Variants in GPC6 observed in about 807,000 individuals in gnomAD.
GPC6 encodes glypican-6.
Under a neutral mutation model 55.2 loss-of-function variants are expected in GPC6, and 14 were observed. The ratio of observed to expected loss-of-function variants is 0.25; its 90% CI spans 0.17 to 0.40. The LOEUF is 0.40. Among genes scored for constraint, GPC6 ranks in the 10% least tolerant of loss-of-function variants. GPC6 has a pLI of 1.00. For missense variants in GPC6, 641 were observed against 708.5 expected (o/e 0.90, Z 1.08); for synonymous variants, 278 against 259.6 (o/e 1.07, Z -0.68).
intron 6 of GPC6, among the ~76,000 whole-genome samples, chr13:94,371,094 C>A (rs1427154651): frequency 6.6e-6 from 1 of 152,136 alleles, no homozygotes; most frequent in East Asian, 1.9e-4. Flanking sequence ...TATGCTGGAT[C>A]AATACACCAG....
At chr13:94,276,903 T>C (rs1892230547) in intron 4 of GPC6, among the ~76,000 whole-genome samples, 2 of 152,350 alleles carry the variant, frequency 1.3e-5, no homozygotes, top group South Asian at 2.1e-4. Flanking sequence ...TAAATGTACA[T>C]TTGCATGTGT....
At chr13:94,138,839 A>G (rs1228117909) in intron 4 of GPC6, among the ~76,000 whole-genome samples, 4 of 152,162 alleles carry the variant, frequency 2.6e-5, no homozygotes, top group Non-Finnish European at 5.9e-5. Context: ...CAGGTACCCA[A>G]TAATGTCTGT....
At chr13:93,563,333 A>C (rs979601320) in intron 2 of GPC6, among the ~76,000 whole-genome samples, 1 of 152,164 alleles carries the variant, frequency 6.6e-6, no homozygotes, top group Non-Finnish European at 1.5e-5. Flanking sequence ...TATAGCCACC[A>C]ACAGCGATCC....
chr13:93,985,715 T>TAAAAAAAAAAAAAAAAAAAAAAAA (rs1157375754), intron 3 of GPC6, among the ~76,000 whole-genome samples: 2 of 126,232 alleles, frequency 1.6e-5, no homozygotes, highest in Admixed American at 8.0e-5. Flanking sequence ...AAAAAAAAAT[T>TAAAAAAAAAAAAAAAAAAAAAAAA]AAAAAACGGA....
In GPC6 at chr13:93,725,446, C is replaced by T. The variant is rs1161120259; in HGVS notation, c.320-104708C>T. On this transcript the variant is annotated intron_variant, in intron 2 of 8. Coordinates refer to ENST00000377047, the MANE Select transcript of GPC6 (RefSeq NM_005708.5). ...ATTAGAGGGAGAAATATCAAATAAA[C>T]AAAAGAATGCTTCTCAGACCCTTTC... 2.6e-5 allele frequency among the ~76,000 whole-genome samples: 4 copies of T among 151,950 alleles called. No individual in the cohort carries two copies. The East Asian group carries it at 7.7e-4, about 29-fold the overall frequency.
chr13:93,517,068 T>G (rs905976119), intron 1 of GPC6, among the ~76,000 whole-genome samples: 11 of 84,026 alleles, frequency 1.3e-4, no homozygotes, highest in Admixed American at 4.7e-4. Context: ...CTTGTTATTT[T>G]TAGATGCATT....
At chr13:94,209,883 T>C (rs946027879) in intron 4 of GPC6, among the ~76,000 whole-genome samples, 15 of 152,128 alleles carry the variant, frequency 9.9e-5, no homozygotes, top group Non-Finnish European at 2.2e-4. Context: ...TCCTGCTCTG[T>C]CAACCAGGCT....
intron 1 of GPC6, among the ~76,000 whole-genome samples, chr13:93,231,643 A>C (rs970792644): frequency 1.3e-5 from 2 of 151,788 alleles, no homozygotes; most frequent in African/African-American, 4.8e-5. Context: ...GGCAAGATAT[A>C]GTTACATAAA....
chr13:93,966,728 G>A (rs1280250603), intron 3 of GPC6, among the ~76,000 whole-genome samples: 1 of 129,892 alleles, frequency 7.7e-6, no homozygotes, highest in Admixed American at 9.1e-5. Flanking sequence ...ATGGCTCATT[G>A]CAGCCTCAAC....
chr13:94,083,407 T>C (rs6492686), intron 4 of GPC6, among the ~76,000 whole-genome samples: 148,833 of 152,316 alleles, frequency 0.98, 72,826 homozygotes, highest in East Asian at 1. Context: ...CATGAGCCAC[T>C]GCACCCGGCC....
chr13:93,854,711 A>G (rs1293086093), intron 3 of GPC6, among the ~76,000 whole-genome samples: 2 of 151,918 alleles, frequency 1.3e-5, no homozygotes, highest in South Asian at 2.1e-4. Context: ...ATCCATTAAT[A>G]TAGTCTGCTT....
At chr13:93,600,706 C>G (rs1019975401) in intron 2 of GPC6, among the ~76,000 whole-genome samples, 6 of 151,944 alleles carry the variant, frequency 3.9e-5, no homozygotes, top group African/African-American at 1.4e-4. Flanking sequence ...AATCCCAGCA[C>G]TTTGGGAGGC....
At chr13:93,309,280 T>C (rs1316267300) in intron 1 of GPC6, among the ~76,000 whole-genome samples, 1 of 148,998 alleles carries the variant, frequency 6.7e-6, no homozygotes, top group Non-Finnish European at 1.5e-5. Context: ...TAAGTCTTTA[T>C]TTTTGTGATA....
Position 94,407,590 on chromosome 13 carries a change from ACATTTAGAGCTTCC to A in GPC6, c.*4376_*4389del, listed in dbSNP as rs1266453706. On this transcript the variant is annotated 3_prime_UTR_variant, in exon 9 of 9. Coordinates refer to ENST00000377047, the MANE Select transcript of GPC6 (RefSeq NM_005708.5). ...AATCAGGAACTATTTGAACTTTAGA[ACATTTAGAGCTTCC>A]CAAATGTGTATGGAAAATACTGTAG... is the stretch of plus-strand genomic sequence containing the variant. Among the ~76,000 whole-genome samples the A allele has an allele frequency of 6.6e-6, 1 of 152,176 alleles. No homozygotes were observed. Among genetic ancestry groups the A allele is most frequent in the African/African-American group, 2.4e-5 (1 of 41,456 alleles).
At chr13:94,383,798 C>A (rs1308753830) in intron 7 of GPC6, among the ~76,000 whole-genome samples, 17 of 152,068 alleles carry the variant, frequency 1.1e-4, no homozygotes, top group Admixed American at 3.3e-4. Context: ...TTGATTGACC[C>A]ACAGTTCCCT....
At chr13:94,205,171 G>T (rs553683455) in intron 4 of GPC6, among the ~76,000 whole-genome samples, 1 of 152,158 alleles carries the variant, frequency 6.6e-6, no homozygotes, top group Admixed American at 6.5e-5. Context: ...TTATTCTTTT[G>T]AGCTTCTATT....
intron 4 of GPC6, among the ~76,000 whole-genome samples, chr13:94,133,267 CAAAAAAAAAAAAAA>C (rs66499161): frequency 1.2e-5 from 1 of 85,100 alleles, no homozygotes; most frequent in Non-Finnish European, 2.1e-5. Context: ...TGACCAGTGA[CAAAAAAAAAAAAAA>C]AAAAAAAAAA....
intron 4 of GPC6, among the ~76,000 whole-genome samples, chr13:94,266,140 A>T (rs1416554546): frequency 1.7e-4 from 21 of 120,914 alleles, no homozygotes; most frequent in Admixed American, 1.1e-3. Context: ...TCTTTTCTTT[A>T]CTTTTCTTTT....
chr13:93,760,719 G>A (rs1310605740), intron 2 of GPC6, among the ~76,000 whole-genome samples: 2 of 152,166 alleles, frequency 1.3e-5, no homozygotes, highest in Non-Finnish European at 2.9e-5. Context: ...CCTTTGATAT[G>A]CTTTCTCCTG....
Sources: gnomAD v4.1 joint callset for allele counts (sites outside exome capture counted in the v4.1 genomes callset) on GRCh38, gnomAD v4.1.1 for gene constraint, MANE v1.5 for transcripts, NCBI Gene and HGNC (gene_info 2026-07-23, HGNC 2026-07-21) for gene names.